Variants in KAT2A observed in about 807,000 individuals in gnomAD.
The protein encoded by KAT2A is lysine acetyltransferase 2A.
A neutral mutation model predicts 95.2 loss-of-function variants in KAT2A; 42 were observed. The ratio of observed to expected loss-of-function variants is 0.44; its 90% CI spans 0.34 to 0.57. KAT2A has a LOEUF of 0.57. Ranked by LOEUF, KAT2A falls within the 20% of genes least tolerant of loss-of-function variation. The pLI is 0.01. For synonymous variants in KAT2A, 449 were observed against 448.2 expected (o/e 1.00, Z -0.02); for missense variants, 784 against 1,126.3 (o/e 0.70, Z 4.35).
chr17:42,117,314 T>G lies in KAT2A; in HGVS notation c.1637+74A>C. The G allele has an allele frequency of 1.3e-6, 2 of 1,569,084 alleles. No homozygotes were observed. The highest frequency in any genetic ancestry group is 1.7e-6 in the Non-Finnish European group (2 of 1,144,802). ...GTGGGGAGCAGGGGATCCCCAATTT[T>G]GAGGAGTGAAGAGGCCGAGGAGGAA... On this transcript the variant is annotated intron_variant, in intron 10 of 17. Coordinates refer to ENST00000225916, the MANE Select transcript of KAT2A (RefSeq NM_021078.3). The surrounding 1 kb of genome is among the most constrained non-coding windows in gnomAD (Gnocchi z 8.9).
intron 3 of KAT2A, 39 bp downstream of exon 3, chr17:42,120,186 C>A: frequency 1.2e-6 from 2 of 1,613,964 alleles, no homozygotes; most frequent in Middle Eastern, 1.7e-4. Flanking sequence ...CTCAAGGCCC[C>A]ACCTCCTTCA....
At chr17:42,115,497 TCTA>T (rs1329238745) in intron 12 of KAT2A, among the ~76,000 whole-genome samples, 2 of 114,772 alleles carry the variant, frequency 1.7e-5, no homozygotes, top group African/African-American at 6.8e-5. Flanking sequence ...TCCAGGATGC[TCTA>T]CTGACCCCCA....
chr17:42,118,509 G>GTCCCCAGTTCCCTAAGA, intron 6 of KAT2A, 106 bp from the exon 7 acceptor site: 2 of 762,734 alleles, frequency 2.6e-6, no homozygotes, highest in Non-Finnish European at 4.5e-6. Flanking sequence ...CTGCTCTTAG[G>GTCCCCAGTTCCCTAAGA]GAACTGGGGA....
Position 42,114,765 on chromosome 17 carries a change from C to G in KAT2A, c.2019+127G>C, listed in dbSNP as rs1172841918. The G allele has an allele frequency of 6.5e-6, 8 of 1,229,372 alleles. No homozygotes were observed. The highest frequency in any genetic ancestry group is 9.4e-6 in the Non-Finnish European group (8 of 854,026). 76.2% of individuals were successfully genotyped at this position (1,229,372 alleles called of 1,614,324 possible). On this transcript the variant is annotated intron_variant, in intron 13 of 17. Transcript: ENST00000225916. The surrounding 1 kb of genome is among the most constrained non-coding windows in gnomAD (Gnocchi z 6.0). ...AAGGGAGCAGAGCAAGAGCCAAGATCCTGGCCTGCCCCTCCTCACTCACAC... is the reference window on the plus strand; with the variant it reads ...AAGGGAGCAGAGCAAGAGCCAAGATGCTGGCCTGCCCCTCCTCACTCACAC...
At chr17:42,115,553 C>A in intron 12 of KAT2A, 170 bp downstream of exon 12, 1 of 621,690 alleles carries the variant, frequency 1.6e-6, no homozygotes, top group Non-Finnish European at 2.9e-6. Flanking sequence ...CCCTCATTCT[C>A]CCCTGGGGCA....
rs781821385 is a variant in KAT2A, at chr17:42,119,565, C to T, written c.853G>A (p.Val285Met). The change falls in exon 5 of 18, where the codon GTG becomes ATG. Residue 285 changes from valine (V) to methionine (M), a missense_variant. This residue lies in a region of KAT2A where 208 missense variants were observed against 339.7 expected (regional missense o/e 0.61). Transcript: ENST00000225916. This position sits in a 1 kb window ranked among gnomAD's most constrained non-coding sequence, Gnocchi z 5.3. ...GTGTAATTGACCTTGTAGGTAGCCA[C>T]GTCCTCAGCCTGAGACCTCTGCCGA... Reference protein sequence around the residue: ...QFRQRSQAEDVATYKVNYTRW... With the variant: ...QFRQRSQAEDMATYKVNYTRW... 5.0e-6 allele frequency: 8 copies of T among 1,603,016 alleles called. No homozygotes were observed. Among genetic ancestry groups the T allele is most frequent in the South Asian group, 1.1e-5 (1 of 89,702 alleles).
chr17:42,120,925 T>G (rs782528794), intron 1 of KAT2A, 41 bp downstream of exon 1: 1 of 1,553,954 alleles, frequency 6.4e-7, no homozygotes, highest in Admixed American at 1.9e-5. Context: ...AGCCCTGGGA[T>G]GCCCCAAGCC....
At position 42,113,560 on chromosome 17, in the gene KAT2A, G is replaced by A. The variant is rs1290087602; in HGVS notation, c.*89C>T. On this transcript the variant is annotated 3_prime_UTR_variant, in exon 18 of 18. Transcript: ENST00000225916. ...TGGCTGGAGTGTCTCAAGCTGAGTC[G>A]GGTCCGTGGGGCCAGGGCACCCCCT... The A allele has an allele frequency of 2.1e-5, 27 of 1,290,752 alleles. No homozygotes were observed. In the African/African-American group the frequency reaches 2.4e-4, roughly 12 times the overall value. The allele number at this position is 1,290,752 out of a possible 1,614,324, so 80.0% of individuals were successfully genotyped here.
rs782240340 is a variant in KAT2A, at chr17:42,120,060, G to A, written c.669C>T (p.Ser223=). ...TRPVVEGSLG[S]PPFEKPNIEQ... The stretch of plus-strand genomic sequence containing the variant: ...CAATATTAGGTTTCTCAAATGGAGG[G>A]CTGCCCAGGGACCCCTCCACCACAG... Residue 223 remains serine, a synonymous_variant, in exon 4 of 18, where the codon AGC becomes AGT. Transcript: ENST00000225916. The A allele has an allele frequency of 6.2e-7, 1 of 1,614,080 alleles. No individual in the cohort carries two copies. Among genetic ancestry groups the A allele is most frequent in the African/African-American group, 1.3e-5 (1 of 75,042 alleles).
At chr17:42,120,191 C>T (rs185639224) in intron 3 of KAT2A, 34 bp downstream of exon 3, 2 of 1,614,026 alleles carry the variant, frequency 1.2e-6, no homozygotes, top group Admixed American at 1.7e-5. Context: ...GGCCCCACCT[C>T]CTTCACTCAC....
At chr17:42,115,244 G>A (rs1298907713) in intron 12 of KAT2A, among the ~76,000 whole-genome samples, 1 of 148,798 alleles carries the variant, frequency 6.7e-6, no homozygotes, top group South Asian at 2.1e-4. Context: ...GAGTCCCCCA[G>A]TTCCTCCAGC....
chr17:42,117,672 G>T lies in KAT2A; in HGVS notation c.1428+6C>A. 6.2e-7 allele frequency: 1 copy of T among 1,607,572 alleles called. No individual in the cohort carries two copies. Among genetic ancestry groups the T allele is most frequent in the Non-Finnish European group, 8.5e-7 (1 of 1,175,872 alleles). Reference sequence around the variant, plus strand: ...CCCCAACTGGTCAGCAGGTCGGGCTGCCCACCTCAGGCCCCAGCATGGCAG... The same window carrying T: ...CCCCAACTGGTCAGCAGGTCGGGCTTCCCACCTCAGGCCCCAGCATGGCAG... On this transcript the variant is annotated splice_donor_region_variant and intron_variant, in intron 9 of 17. Transcript: ENST00000225916. This position sits in a 1 kb window ranked among gnomAD's most constrained non-coding sequence, Gnocchi z 8.9.
rs782468818 is a variant in KAT2A, at chr17:42,113,860, G to A, written c.2321-18C>T. Reference sequence around the variant, plus strand: ...CTTCAGGTCTGGGGCAGCAGGAGACGGAGCACAGCTTTAAGAGGCTGAAGA... The same window carrying A: ...CTTCAGGTCTGGGGCAGCAGGAGACAGAGCACAGCTTTAAGAGGCTGAAGA... On this transcript the variant is annotated intron_variant, in intron 17 of 17. Transcript: ENST00000225916. 1.2e-5 allele frequency: 18 copies of A among 1,558,832 alleles called. No individual in the cohort carries two copies. Among genetic ancestry groups the A allele is most frequent in the Middle Eastern group, 1.9e-4 (1 of 5,306 alleles).
At chr17:42,118,045 G>A (rs782270059) in intron 7 of KAT2A, 28 bp from the exon 8 acceptor site, 2 of 1,342,544 alleles carry the variant, frequency 1.5e-6, no homozygotes, top group African/African-American at 1.7e-5. Context: ...CGTCAGGGAT[G>A]GGGGGCTGAA....
chr17:42,121,146 G>A lies in KAT2A; in HGVS notation c.159C>T (p.Ala53=). 2 of 1,480,090 alleles carry A rather than the reference G, an allele frequency of 1.4e-6. No homozygotes were observed. The highest frequency in any genetic ancestry group is 1.8e-6 in the Non-Finnish European group (2 of 1,111,554). The allele number at this position is 1,480,090 out of a possible 1,614,324, so 91.7% of individuals were successfully genotyped here. ...TPAPAPAPAA[A]PAGSTGTGGP... The stretch of plus-strand genomic sequence containing the variant: ...CCCCAGTCCCTGTGCTGCCGGCTGG[G>A]GCTGCAGCTGGGGCAGGGGCTGGTG... The change falls in exon 1 of 18, where the codon GCC becomes GCT. Residue 53 remains alanine (A), a synonymous_variant. Coordinates refer to ENST00000225916, the MANE Select transcript of KAT2A (RefSeq NM_021078.3).
rs1035862428 is a variant in KAT2A at position 42,115,124 on chromosome 17, C to T, written c.1876-89G>A. On this transcript the variant is annotated intron_variant, in intron 12 of 17. Coordinates refer to ENST00000225916, the MANE Select transcript of KAT2A (RefSeq NM_021078.3). ...ACCTGGGAGCACCAGAGGAGTAGCA[C>T]GTGCCACTTGCCACCTCCTGCTCCT... The T allele has an allele frequency of 8.7e-6, 12 of 1,371,644 alleles. No individual in the cohort carries two copies. In the East Asian group the frequency reaches 9.2e-5, roughly 10 times the overall value. The allele number at this position is 1,371,644 out of a possible 1,614,324, so 85.0% of individuals were successfully genotyped here. A position where few individuals can be genotyped will look rare whatever the true frequency, so the allele number is the denominator to read the frequency against.
At position 42,117,555 on chromosome 17, in the gene KAT2A, G is replaced by A. The variant is rs781906152; in HGVS notation, c.1470C>T (p.Ala490=). ...TGATGCCGCGGCGCTCCTCCAGGCG[G>A]GCTGTCTCATCCCGGGCCGCATTGG... is the stretch of plus-strand genomic sequence containing the variant. The part of the protein sequence containing the change: ...LSANAARDET[A]RLEERRGIIE... Residue 490 remains alanine, a synonymous_variant, in exon 10 of 18, where the codon GCC becomes GCT. Coordinates refer to ENST00000225916, the MANE Select transcript of KAT2A (RefSeq NM_021078.3). This position sits in a 1 kb window ranked among gnomAD's most constrained non-coding sequence, Gnocchi z 8.9. 1.9e-6 allele frequency: 3 copies of A among 1,613,346 alleles called. No individual in the cohort carries two copies. The highest frequency in any genetic ancestry group is 2.5e-6 in the Non-Finnish European group (3 of 1,180,014).
chr17:42,118,229 C>T, intron 7 of KAT2A, 68 bp downstream of exon 7: 1 of 1,276,512 alleles, frequency 7.8e-7, no homozygotes, highest in Non-Finnish European at 1.1e-6. Context: ...GGTGAGCTCT[C>T]TTCCACCCAG....
Position 42,120,844 on chromosome 17 carries a change from A to T in KAT2A, c.340-15T>A. 6.2e-7 allele frequency: 1 copy of T among 1,604,852 alleles called. No individual in the cohort carries two copies. ...GTTTCATTGGCCTGGAGGTGGAAGG[A>T]TCAGTCAATGACCTATACCTCTGGG... On this transcript the variant is annotated splice_polypyrimidine_tract_variant and intron_variant, in intron 1 of 17. Coordinates refer to ENST00000225916, the MANE Select transcript of KAT2A (RefSeq NM_021078.3).
Sources: allele counts gnomAD v4.1 joint callset (sites outside exome capture counted in the v4.1 genomes callset), GRCh38; gene constraint gnomAD v4.1.1; regional missense constraint gnomAD v4.1.1; non-coding constraint Gnocchi (gnomAD v3.1); transcripts MANE v1.5; gene names NCBI Gene and HGNC (gene_info 2026-07-23, HGNC 2026-07-21).